The following NOP9 variants were observed in gnomAD, a reference collection of about 807,000 sequenced individuals.
NOP9 encodes the protein NOP9 nucleolar protein, also known as nucleolar protein 9.
Under a neutral mutation model 63.0 loss-of-function variants are expected in NOP9, and 50 were observed. The observed-to-expected ratio is 0.79, with a 90% CI of 0.63 to 1.00. The LOEUF (loss-of-function observed/expected upper bound fraction) is 1.00, where lower values mean the gene tolerates loss of function less well. Among genes scored for constraint, NOP9 ranks in the 50% least tolerant of loss-of-function variants. The pLI is 0.00. For missense variants in NOP9, 758 were observed against 803.0 expected (o/e 0.94, Z 0.68); for synonymous variants, 343 against 332.8 (o/e 1.03, Z -0.33).
chr14:24,290,881 G>T, the NOP9 span: 5 of 1,613,774 alleles, frequency 3.1e-6, no homozygotes, highest in Admixed American at 8.3e-5. Context: ...AGTGTAGAGG[G>T]CAATAATCCA....
rs768158760 is a variant in NOP9, at chr14:24,300,114, CACCCGCACCTGA to C, written c.161_172del (p.His54_Ser58delinsArg). On this transcript the variant is annotated inframe_deletion, in exon 1 of 10. Coordinates refer to ENST00000267425, the MANE Select transcript of NOP9 (RefSeq NM_174913.3). ...GCGCTCGGAGCCGGCTCCAGATTCGCACCCGCACCTGAGCCCGGAAGCTCTGGGATATTTCCG... is the reference window on the plus strand; with the variant it reads ...GCGCTCGGAGCCGGCTCCAGATTCGCGCCCGGAAGCTCTGGGATATTTCCG... 1.6e-5 allele frequency: 26 copies of C among 1,613,538 alleles called. No homozygotes were observed. Among genetic ancestry groups the C allele is most frequent in the African/African-American group, 4.0e-5 (3 of 74,946 alleles).
At chr14:24,273,764 A>G in the NOP9 span, among the ~76,000 whole-genome samples, 1 of 152,180 alleles carries the variant, frequency 6.6e-6, no homozygotes, top group South Asian at 2.1e-4. Flanking sequence ...AAGAACATGG[A>G]TCCTGGAGCC....
Position 24,305,060 on chromosome 14 carries a change from C to T in NOP9, c.1876C>T (p.Arg626Trp), listed in dbSNP as rs371923688. The T allele has an allele frequency of 6.1e-5, 96 of 1,583,656 alleles. No homozygotes were observed. Among genetic ancestry groups the T allele is most frequent in the Non-Finnish European group, 7.7e-5 (90 of 1,164,832 alleles). ...ACAGCAGCAGGGTGCGGTGGCCAAG[C>T]GGAGGCGGGCATTGAACTCCATACT... is the stretch of plus-strand genomic sequence containing the variant. ...WEQQQGAVAKRRRALNSILED is the reference protein window; with the variant it reads ...WEQQQGAVAKWRRALNSILED The change falls in exon 10 of 10, where the codon CGG (arginine) becomes TGG (tryptophan). Residue 626 changes from arginine to tryptophan, a missense_variant. Physicochemically the swap from Arg to Trp is moderately radical, Grantham distance 101. Coordinates refer to ENST00000267425, the MANE Select transcript of NOP9 (RefSeq NM_174913.3).
At chr14:24,299,768 G>C, upstream of NOP9, 1 of 664,030 alleles carries the variant, frequency 1.5e-6, no homozygotes, top group East Asian at 2.9e-5. Flanking sequence ...TGCGGATGGG[G>C]GCGGAGCGAT....
At chr14:24,302,496 T>A (rs2041396331) in intron 5 of NOP9, 72 bp downstream of exon 5, 1 of 1,395,840 alleles carries the variant, frequency 7.2e-7, no homozygotes, top group Non-Finnish European at 9.9e-7. Context: ...ATGGTCTGTC[T>A]GCCTCTATAT....
At position 24,305,267 on chromosome 14, in the gene NOP9, A is replaced by G; in HGVS notation, c.*172A>G. On this transcript the variant is annotated 3_prime_UTR_variant, in exon 10 of 10. Coordinates refer to ENST00000267425, the MANE Select transcript of NOP9 (RefSeq NM_174913.3). ...AGGGTATGAAGACAGATCTCAAGGT[A>G]AAGTCAGAGAGGGCTGTCATCAGTA... The G allele has an allele frequency of 1.4e-6, 1 of 713,264 alleles. No homozygotes were observed. Among genetic ancestry groups the G allele is most frequent in the South Asian group, 3.1e-5 (1 of 32,240 alleles). The allele number at this position is 713,264 out of a possible 1,614,324, so 44.2% of individuals were successfully genotyped here. A position where few individuals can be genotyped will look rare whatever the true frequency, so the allele number is the denominator to read the frequency against.
At chr14:24,296,334 T>C (rs915202041), upstream of NOP9, among the ~76,000 whole-genome samples, 15 of 152,064 alleles carry the variant, frequency 9.9e-5, no homozygotes, top group African/African-American at 3.1e-4. Context: ...CATTCTCAGG[T>C]ACAGACTCAC....
upstream of NOP9, chr14:24,299,793 C>T (rs2041331595): frequency 2.2e-6 from 2 of 906,898 alleles, no homozygotes; most frequent in Non-Finnish European, 3.2e-6. Flanking sequence ...GTGACACACC[C>T]ACCCCGCCCG....
At chr14:24,291,270 GAC>G in the NOP9 span, 6 of 1,587,462 alleles carry the variant, frequency 3.8e-6, no homozygotes, top group African/African-American at 1.3e-5. Context: ...TATGCAGAGT[GAC>G]AAGGTTTGGG....
At chr14:24,278,808 G>A in the NOP9 span, among the ~76,000 whole-genome samples, 1 of 152,226 alleles carries the variant, frequency 6.6e-6, no homozygotes, top group Non-Finnish European at 1.5e-5. Context: ...GTCAAACCCT[G>A]TGAGGAGTGT....
rs201509437 is a variant in NOP9, at chr14:24,306,363, A to G, written c.*1268A>G. 2.2e-5 allele frequency: 35 copies of G among 1,614,092 alleles called. No homozygotes were observed. The highest frequency in any genetic ancestry group is 2.6e-5 in the Non-Finnish European group (31 of 1,180,034). On this transcript the variant is annotated 3_prime_UTR_variant, in exon 10 of 10. Transcript: ENST00000267425. Reference sequence around the variant, plus strand: ...CAGGCATTGGAAGCAGCCCCAGTATAGGCCTCTTACCCTTGTAGGGCTCCA... The same window carrying G: ...CAGGCATTGGAAGCAGCCCCAGTATGGGCCTCTTACCCTTGTAGGGCTCCA...
At chr14:24,299,490 C>G (rs539815701), upstream of NOP9, 2 of 215,778 alleles carry the variant, frequency 9.3e-6, no homozygotes, top group East Asian at 2.1e-4. Context: ...TGACCCAGTC[C>G]GGCTGAGCCA....
chr14:24,276,554 G>C, the NOP9 span, among the ~76,000 whole-genome samples: 1 of 152,084 alleles, frequency 6.6e-6, no homozygotes, highest in African/African-American at 2.4e-5. Flanking sequence ...GCCTCCCAAA[G>C]TGCTGGGACT....
In NOP9 at chr14:24,307,562, T is replaced by G. The variant is rs752393735; in HGVS notation, c.*2467T>G. 1 of 1,596,296 alleles carries G rather than the reference T, an allele frequency of 6.3e-7. No homozygotes were observed. Among genetic ancestry groups the G allele is most frequent in the Non-Finnish European group, 8.6e-7 (1 of 1,169,494 alleles). On this transcript the variant is annotated 3_prime_UTR_variant, in exon 10 of 10. Transcript: ENST00000267425. ...CAAGAAGGGGCGAGGAGGGGCTTGG[T>G]GAGTGTAAAGGGCATGATGAGGGTA...
chr14:24,308,048 G>T lies in NOP9; in HGVS notation c.*2953G>T. Reference sequence around the variant, plus strand: ...GCAAAGTCCAAGGGGAGGGATGAGGGAGGGGCCAGATGGGGTCCTGGAGGA... The same window carrying T: ...GCAAAGTCCAAGGGGAGGGATGAGGTAGGGGCCAGATGGGGTCCTGGAGGA... On this transcript the variant is annotated 3_prime_UTR_variant, in exon 10 of 10. Coordinates refer to ENST00000267425, the MANE Select transcript of NOP9 (RefSeq NM_174913.3). The T allele has an allele frequency of 1.6e-6, 1 of 625,346 alleles. No individual in the cohort carries two copies. The highest frequency in any genetic ancestry group is 2.9e-6 in the Non-Finnish European group (1 of 344,806). 38.7% of individuals were successfully genotyped at this position (625,346 alleles called of 1,614,324 possible). A position where few individuals can be genotyped will look rare whatever the true frequency, so the allele number is the denominator to read the frequency against.
chr14:24,300,429 T>C lies in NOP9; in HGVS notation c.269T>C (p.Met90Thr). The C allele has an allele frequency of 1.2e-6, 2 of 1,613,354 alleles. No homozygotes were observed. The highest frequency in any genetic ancestry group is 1.7e-6 in the Non-Finnish European group (2 of 1,179,672). Reference sequence around the variant, plus strand: ...TCAGATCTGATGGTGCACAATATAATGAAGGAAGTAGAGACTCAGGCCCTA... The same window carrying C: ...TCAGATCTGATGGTGCACAATATAACGAAGGAAGTAGAGACTCAGGCCCTA... ...EERDLMVHNI[M>T]KEVETQALAL... Residue 90 changes from methionine (M) to threonine (T), a missense_variant, in exon 2 of 10, where the codon ATG (methionine) becomes ACG (threonine). By Grantham distance (81) the Met-to-Thr change is moderately conservative. Coordinates refer to ENST00000267425, the MANE Select transcript of NOP9 (RefSeq NM_174913.3).
chr14:24,276,359 A>T, the NOP9 span, among the ~76,000 whole-genome samples: 1 of 146,662 alleles, frequency 6.8e-6, no homozygotes, highest in Non-Finnish European at 1.5e-5. Flanking sequence ...CCTGGGAAAC[A>T]GAGCAAGACT....
In NOP9 at chr14:24,306,700, C is replaced by A; in HGVS notation, c.*1605C>A. 1.4e-6 allele frequency: 1 copy of A among 708,480 alleles called. No homozygotes were observed. The highest frequency in any genetic ancestry group is 2.3e-6 in the Non-Finnish European group (1 of 429,600). The allele number at this position is 708,480 out of a possible 1,614,324, so 43.9% of individuals were successfully genotyped here. On this transcript the variant is annotated 3_prime_UTR_variant, in exon 10 of 10. Transcript: ENST00000267425. ...CGTGTTCTTCAGTTTTTGGGGGATCCTAGCTAGAGGCTGACCTTTTTCCTC... is the reference window on the plus strand; with the variant it reads ...CGTGTTCTTCAGTTTTTGGGGGATCATAGCTAGAGGCTGACCTTTTTCCTC...
upstream of NOP9, among the ~76,000 whole-genome samples, chr14:24,296,229 C>G (rs2139099168): frequency 6.6e-6 from 1 of 152,330 alleles, no homozygotes; most frequent in Admixed American, 6.5e-5. Flanking sequence ...GAGGAGGAGG[C>G]TTCCTCCCTT....
Sources: gnomAD v4.1 joint callset for allele counts (sites outside exome capture counted in the v4.1 genomes callset) on GRCh38, gnomAD v4.1.1 for gene constraint, MANE v1.5 for transcripts, NCBI Gene and HGNC (gene_info 2026-07-23, HGNC 2026-07-21) for gene names.